ADAMTS17: variants seen among roughly 807,000 people sequenced by gnomAD.
ADAMTS17 encodes ADAM metallopeptidase with thrombospondin type 1 motif 17, also known as A disintegrin and metalloproteinase with thrombospondin motifs 17.
Under a neutral mutation model 141.5 loss-of-function variants are expected in ADAMTS17, and 113 were observed. That is an observed-to-expected ratio of 0.80 (90% confidence interval 0.69 to 0.93). ADAMTS17 has a LOEUF of 0.93. Ranked by LOEUF, ADAMTS17 falls within the 40% of genes least tolerant of loss-of-function variation. The probability of loss-of-function intolerance (pLI) is 0.00; values close to 1 mark genes in which losing one functional copy is unlikely to be tolerated. For synonymous variants in ADAMTS17, 768 were observed against 630.6 expected, an observed-to-expected ratio of 1.22 and a Z score of -3.27; for missense variants, 1,659 against 1,517.9, an observed-to-expected ratio of 1.09 and a Z score of -1.54.
At chr15:100,297,009 G>A (rs75998889) in intron 3 of ADAMTS17, among the ~76,000 whole-genome samples, 1,669 of 152,280 alleles carry the variant, frequency 0.011, 27 homozygotes, top group African/African-American at 0.033. Context: ...ACAATGCTAT[G>A]AGAAAATATA....
intron 3 of ADAMTS17, chr15:100,306,573 T>C (rs1307055289): frequency 4.4e-6 from 2 of 456,014 alleles, no homozygotes; most frequent in Admixed American, 4.7e-5. Context: ...CCAGACACTG[T>C]GGAACTGAGA....
chr15:100,049,307 T>C (rs2031959401), intron 17 of ADAMTS17, among the ~76,000 whole-genome samples: 1 of 152,216 alleles, frequency 6.6e-6, no homozygotes, highest in Non-Finnish European at 1.5e-5. Context: ...CAAAGATTGC[T>C]CATCTTTTTA....
chr15:100,150,396 C>G (rs1358796207), intron 10 of ADAMTS17, among the ~76,000 whole-genome samples: 1 of 152,144 alleles, frequency 6.6e-6, no homozygotes, highest in Non-Finnish European at 1.5e-5. Context: ...GCTTTCCAGC[C>G]CACCCCTTTC....
At chr15:100,337,281 T>C (rs1488611036) in intron 2 of ADAMTS17, among the ~76,000 whole-genome samples, 1 of 152,242 alleles carries the variant, frequency 6.6e-6, no homozygotes, top group Non-Finnish European at 1.5e-5. Context: ...ACTATGAATG[T>C]CCCATGTGCC....
intron 16 of ADAMTS17, among the ~76,000 whole-genome samples, chr15:100,051,951 G>C (rs1037406104): frequency 2.6e-5 from 4 of 152,200 alleles, no homozygotes; most frequent in African/African-American, 4.8e-5. Context: ...ACCATCGTGA[G>C]GGAGTTCTGT....
chr15:100,051,680 G>T lies in ADAMTS17; in HGVS notation c.2347C>A (p.Pro783Thr). The T allele has an allele frequency of 2.5e-6, 4 of 1,614,166 alleles. No homozygotes were observed. Among genetic ancestry groups the T allele is most frequent in the Non-Finnish European group, 3.4e-6 (4 of 1,180,044 alleles). ...TGATTTTCCGCAGTGCGGTTTACAGGAACAGTGTATTCATAATGAATTCCA... is the reference window on the plus strand; with the variant it reads ...TGATTTTCCGCAGTGCGGTTTACAGTAACAGTGTATTCATAATGAATTCCA... ...DYGIHYEYTV[P>T]VNRTAENQSE... The change falls in exon 17 of 22, where the codon CCT becomes ACT. Residue 783 changes from proline (P) to threonine (T), a missense_variant. Physicochemically the swap from Pro to Thr is conservative, Grantham distance 38 (BLOSUM62 -1). Coordinates refer to ENST00000268070, the MANE Select transcript of ADAMTS17 (RefSeq NM_139057.4).
At chr15:100,209,647 C>T (rs11630841) in intron 7 of ADAMTS17, among the ~76,000 whole-genome samples, 17,750 of 150,478 alleles carry the variant, frequency 0.12, 1,266 homozygotes, top group East Asian at 0.28. Context: ...ATGAGAGCCA[C>T]ACCACGAAGT....
chr15:99,983,648 G>A (rs1596152441), intron 20 of ADAMTS17, among the ~76,000 whole-genome samples: 1 of 152,070 alleles, frequency 6.6e-6, no homozygotes, highest in African/African-American at 2.4e-5. Flanking sequence ...TTCCTGCAGA[G>A]TGGCCCAGGC....
chr15:100,097,872 G>A (rs775081131), intron 14 of ADAMTS17, among the ~76,000 whole-genome samples: 4 of 152,162 alleles, frequency 2.6e-5, no homozygotes, highest in South Asian at 4.1e-4. Context: ...CATCCTCGGA[G>A]CCTTTTATTT....
Position 100,235,675 on chromosome 15 carries a change from G to A in ADAMTS17, c.1075+18461C>T, listed in dbSNP as rs748737960. Among the ~76,000 whole-genome samples, 215 of 152,114 alleles carry A rather than the reference G, an allele frequency of 1.4e-3. 3 individuals carry two copies. The highest frequency in any genetic ancestry group is 1.4e-3 in the African/African-American group (58 of 41,402). On this transcript the variant is annotated intron_variant, in intron 7 of 21. Transcript: ENST00000268070. ...TGGGATCACCCTTTGAGAACCATTCGCTTCGGGGAGCTCTCTTCCCAAACA... is the reference window on the plus strand; with the variant it reads ...TGGGATCACCCTTTGAGAACCATTCACTTCGGGGAGCTCTCTTCCCAAACA...
At chr15:100,135,977 A>G (rs2038310790) in intron 10 of ADAMTS17, among the ~76,000 whole-genome samples, 1 of 152,218 alleles carries the variant, frequency 6.6e-6, no homozygotes, top group African/African-American at 2.4e-5. Context: ...GATGCTGAGA[A>G]TGAGATTTTA....
At chr15:100,244,464 G>T (rs118138013) in intron 7 of ADAMTS17, among the ~76,000 whole-genome samples, 8 of 151,604 alleles carry the variant, frequency 5.3e-5, no homozygotes, top group African/African-American at 1.9e-4. Flanking sequence ...TAATTATCAC[G>T]TGTCATGGGA....
intron 12 of ADAMTS17, among the ~76,000 whole-genome samples, chr15:100,127,007 C>G (rs1182601002): frequency 6.6e-6 from 1 of 152,160 alleles, no homozygotes; most frequent in Non-Finnish European, 1.5e-5. Flanking sequence ...GGGCAGAGAT[C>G]TCTTGAGAAG....
chr15:100,160,772 T>C (rs564489093), intron 8 of ADAMTS17, among the ~76,000 whole-genome samples: 2 of 152,294 alleles, frequency 1.3e-5, no homozygotes, highest in South Asian at 2.1e-4. Flanking sequence ...TTGTCTCTAA[T>C]ATAGATCACG....
chr15:100,300,989 G>A (rs2045012753), intron 3 of ADAMTS17, among the ~76,000 whole-genome samples: 1 of 152,184 alleles, frequency 6.6e-6, no homozygotes, highest in African/African-American at 2.4e-5. Flanking sequence ...CCACCACACA[G>A]GAAGCTCAAG....
intron 7 of ADAMTS17, among the ~76,000 whole-genome samples, chr15:100,213,862 G>C (rs763659423): frequency 1.3e-5 from 2 of 152,218 alleles, no homozygotes; most frequent in Non-Finnish European, 2.9e-5. Flanking sequence ...CGTCCCAGCC[G>C]GGACCCCTGA....
chr15:100,332,875 C>G (rs1446568713), intron 2 of ADAMTS17, among the ~76,000 whole-genome samples: 1 of 152,198 alleles, frequency 6.6e-6, no homozygotes, highest in African/African-American at 2.4e-5. Context: ...CGACCTCGAA[C>G]AGGGATGTGG....
At position 99,995,378 on chromosome 15, in the gene ADAMTS17, T is replaced by C. The variant is rs1176640359; in HGVS notation, c.2796+2007A>G. ...AATTTCAAGCTCTGAATGTCCAGCCTATTTCTTAACCAAACTCTGACCAGC... is the reference window on the plus strand; with the variant it reads ...AATTTCAAGCTCTGAATGTCCAGCCCATTTCTTAACCAAACTCTGACCAGC... On this transcript the variant is annotated intron_variant, in intron 19 of 21. Transcript: ENST00000268070. Among the ~76,000 whole-genome samples, 3 of 152,334 alleles carry C rather than the reference T, an allele frequency of 2.0e-5. No homozygotes were observed. The South Asian group carries it at 6.2e-4, about 32-fold the overall frequency.
intron 14 of ADAMTS17, among the ~76,000 whole-genome samples, chr15:100,100,596 G>C (rs1380745016): frequency 1.3e-5 from 2 of 150,342 alleles, no homozygotes; most frequent in Non-Finnish European, 3.0e-5. Flanking sequence ...ATTTTGGGAT[G>C]TACCCAGTTA....
Sources: gnomAD v4.1 joint callset for allele counts (sites outside exome capture counted in the v4.1 genomes callset) on GRCh38, gnomAD v4.1.1 for gene constraint, MANE v1.5 for transcripts, NCBI Gene and HGNC (gene_info 2026-07-23, HGNC 2026-07-21) for gene names.